The following WWOX variants were observed in gnomAD, a reference collection of about 807,000 sequenced individuals.
The protein encoded by WWOX is WW domain containing oxidoreductase.
Under a neutral mutation model 46.2 loss-of-function variants are expected in WWOX, and 69 were observed. The ratio of observed to expected loss-of-function variants is 1.49; its 90% CI spans 1.23 to 1.82. The LOEUF (loss-of-function observed/expected upper bound fraction) is 1.82. Among genes scored for constraint, WWOX ranks in the 40% most tolerant of loss-of-function variants. The pLI, the probability that WWOX is intolerant of heterozygous loss-of-function variation, is 0.00. For missense variants in WWOX, 919 were observed against 542.6 expected, an observed-to-expected ratio of 1.69 and a Z score of -6.89; for synonymous variants, 359 against 202.6, an observed-to-expected ratio of 1.77 and a Z score of -6.56.
intron 5 of WWOX, among the ~76,000 whole-genome samples, chr16:78,366,307 A>G (rs1812332820): frequency 6.6e-6 from 1 of 152,218 alleles, no homozygotes; most frequent in Non-Finnish European, 1.5e-5. Context: ...TACAAGGCAA[A>G]GTGTTTAGAT....
intron 8 of WWOX, among the ~76,000 whole-genome samples, chr16:78,813,715 ATACT>A (rs2051258422): frequency 6.6e-6 from 1 of 152,060 alleles, no homozygotes; most frequent in African/African-American, 2.4e-5. Flanking sequence ...CTACTACCTG[ATACT>A]TACTGCTTTC....
intron 8 of WWOX, among the ~76,000 whole-genome samples, chr16:78,794,022 G>C (rs538308531): frequency 8.5e-5 from 13 of 152,312 alleles, no homozygotes; most frequent in African/African-American, 2.9e-4. Context: ...GTTACAGCAG[G>C]CTAGATTCAA....
intron 8 of WWOX, among the ~76,000 whole-genome samples, chr16:78,728,055 C>CA (rs1555524550): frequency 1.2e-5 from 1 of 86,806 alleles, no homozygotes; most frequent in Non-Finnish European, 2.1e-5. Context: ...TCCCTCCTTC[C>CA]TTTTTTTTTT....
At chr16:79,036,579 A>G (rs1482262216) in intron 8 of WWOX, among the ~76,000 whole-genome samples, 3 of 152,136 alleles carry the variant, frequency 2.0e-5, no homozygotes, top group East Asian at 1.9e-4. Context: ...TTAATGTGGG[A>G]GAAGAGATGA....
intron 8 of WWOX, among the ~76,000 whole-genome samples, chr16:79,082,045 A>C (rs945661808): frequency 6.6e-6 from 1 of 152,168 alleles, no homozygotes; most frequent in Admixed American, 6.5e-5. Context: ...TGTCAAAATC[A>C]ATCTGATGGA....
At chr16:78,513,474 G>T (rs190805890) in intron 8 of WWOX, among the ~76,000 whole-genome samples, 6 of 152,294 alleles carry the variant, frequency 3.9e-5, no homozygotes, top group African/African-American at 1.2e-4. Flanking sequence ...GGTAGAGTTT[G>T]CTTTAGCTTT....
In WWOX at chr16:78,594,429, GCCCCCC is replaced by G. The variant is rs138806967; in HGVS notation, c.1056+161688_1056+161693del. On this transcript the variant is annotated intron_variant, in intron 8 of 8. Coordinates refer to ENST00000566780, the MANE Select transcript of WWOX (RefSeq NM_016373.4). ...TCTTGACGAAGAAGACTGAGGAAAG[GCCCCCC>G]CCCCCCCCCCGCCAAATTGTCCCGT... 1.9e-3 allele frequency among the ~76,000 whole-genome samples: 63 copies of G among 32,392 alleles called. 10 individuals are homozygous for G. The highest frequency in any genetic ancestry group is 7.3e-3 in the African/African-American group (54 of 7,378). The allele number at this position is 32,392 out of a possible 152,430, so 21.3% of individuals were successfully genotyped here.
At chr16:78,586,127 T>A (rs2045200808) in intron 8 of WWOX, among the ~76,000 whole-genome samples, 3 of 151,984 alleles carry the variant, frequency 2.0e-5, no homozygotes, top group Admixed American at 2.0e-4. Context: ...GAGGCTGAGG[T>A]GGGAGGATTG....
chr16:78,606,913 T>A (rs930819480), intron 8 of WWOX, among the ~76,000 whole-genome samples: 7 of 152,098 alleles, frequency 4.6e-5, no homozygotes, highest in Admixed American at 1.3e-4. Flanking sequence ...TTGTCTTTTA[T>A]GTCCACAGCG....
chr16:78,171,871 G>A (rs1167739874), intron 5 of WWOX, among the ~76,000 whole-genome samples: 2 of 152,188 alleles, frequency 1.3e-5, no homozygotes, highest in Non-Finnish European at 2.9e-5. Context: ...TCTTCTTTGG[G>A]GCGTTTGCAA....
At chr16:78,401,200 A>G (rs1411566397) in intron 6 of WWOX, among the ~76,000 whole-genome samples, 1 of 152,170 alleles carries the variant, frequency 6.6e-6, no homozygotes, top group Non-Finnish European at 1.5e-5. Context: ...AAGATTTCAA[A>G]TATTTTTGCA....
chr16:78,560,228 A>G (rs1053661137), intron 8 of WWOX, among the ~76,000 whole-genome samples: 9 of 152,220 alleles, frequency 5.9e-5, no homozygotes, highest in African/African-American at 2.2e-4. Context: ...ATTGATTCTG[A>G]AATCTGTTTG....
chr16:78,607,190 A>T (rs1014026967), intron 8 of WWOX, among the ~76,000 whole-genome samples: 8 of 152,222 alleles, frequency 5.3e-5, no homozygotes, highest in African/African-American at 1.9e-4. Context: ...AGTTAATAAA[A>T]TACTTCATAT....
At chr16:78,776,873 G>T (rs2050203772) in intron 8 of WWOX, among the ~76,000 whole-genome samples, 1 of 152,024 alleles carries the variant, frequency 6.6e-6, no homozygotes, top group Non-Finnish European at 1.5e-5. Context: ...ATAGAATGGG[G>T]GAACCACCCC....
intron 8 of WWOX, among the ~76,000 whole-genome samples, chr16:78,585,479 C>G (rs1235439749): frequency 1.3e-5 from 2 of 152,156 alleles, no homozygotes; most frequent in Non-Finnish European, 2.9e-5. Flanking sequence ...TCAACTTTCA[C>G]TGGCCAAAGT....
intron 8 of WWOX, among the ~76,000 whole-genome samples, chr16:79,199,736 A>T (rs2051310340): frequency 6.6e-6 from 1 of 152,142 alleles, no homozygotes; most frequent in Admixed American, 6.5e-5. Flanking sequence ...GTGTACTGGT[A>T]GAGGACAGAT....
chr16:78,725,788 CCTTTGT>C (rs2048816455), intron 8 of WWOX, among the ~76,000 whole-genome samples: 1 of 151,998 alleles, frequency 6.6e-6, no homozygotes, highest in Non-Finnish European at 1.5e-5. Flanking sequence ...CTACTCCATG[CCTTTGT>C]CTTAGCTTTT....
chr16:78,715,953 C>G (rs899425809), intron 8 of WWOX, among the ~76,000 whole-genome samples: 2 of 151,980 alleles, frequency 1.3e-5, no homozygotes, highest in East Asian at 1.9e-4. Flanking sequence ...GGGCCTCTAA[C>G]CTAAATGTCC....
intron 8 of WWOX, among the ~76,000 whole-genome samples, chr16:78,572,974 C>T (rs1258713571): frequency 1.3e-5 from 2 of 152,150 alleles, no homozygotes; most frequent in African/African-American, 4.8e-5. Context: ...CTGAAAGAAT[C>T]TGCTTCCTGT....
Sources: gnomAD v4.1 joint callset for allele counts (sites outside exome capture counted in the v4.1 genomes callset) on GRCh38, gnomAD v4.1.1 for gene constraint, MANE v1.5 for transcripts, NCBI Gene and HGNC (gene_info 2026-07-23, HGNC 2026-07-21) for gene names.